FAM178B: variants seen among roughly 807,000 people sequenced by gnomAD.
The protein encoded by FAM178B is protein FAM178B.
A neutral mutation model predicts 91.7 loss-of-function variants in FAM178B; 82 were observed. The observed-to-expected ratio is 0.89, with a 90% CI of 0.75 to 1.07. The LOEUF (loss-of-function observed/expected upper bound fraction) is 1.07. FAM178B is among the 50% of genes least tolerant of loss of function. The probability of loss-of-function intolerance (pLI) is 0.00; values close to 1 mark genes in which losing one functional copy is unlikely to be tolerated. For missense variants in FAM178B, 769 were observed against 846.7 expected (o/e 0.91, Z 1.14); for synonymous variants, 368 against 359.4 (o/e 1.02, Z -0.27).
chr2:96,949,833 C>T (rs946918991), intron 7 of FAM178B, among the ~76,000 whole-genome samples: 5 of 152,196 alleles, frequency 3.3e-5, no homozygotes, highest in African/African-American at 9.7e-5. Flanking sequence ...TGTGGGGGCA[C>T]AAGGACAAGG....
intron 5 of FAM178B, 85 bp from the exon 6 acceptor site, chr2:96,960,525 G>T (rs1411106096): frequency 1.4e-5 from 20 of 1,409,752 alleles, no homozygotes; most frequent in Admixed American, 2.7e-5. Flanking sequence ...GAAGGATAGA[G>T]GGGGGCCACG....
intron 8 of FAM178B, among the ~76,000 whole-genome samples, chr2:96,932,942 A>C (rs1298315040): frequency 3.5e-5 from 3 of 85,836 alleles, no homozygotes; most frequent in African/African-American, 2.2e-4. Context: ...TCCGTCTCAC[A>C]AAAAAAAAAA....
chr2:96,885,187 G>C (rs1261319730), intron 14 of FAM178B, among the ~76,000 whole-genome samples: 3 of 152,286 alleles, frequency 2.0e-5, no homozygotes, highest in Non-Finnish European at 2.9e-5. Context: ...CAGCTGGACA[G>C]GCAGGACTTC....
At chr2:96,894,178 AC>A in intron 13 of FAM178B, 127 bp from the exon 14 acceptor site, 2 of 1,000,032 alleles carry the variant, frequency 2.0e-6, no homozygotes, top group Non-Finnish European at 2.9e-6. Context: ...TGAGACACAG[AC>A]CCACCTCTAC....
intron 6 of FAM178B, among the ~76,000 whole-genome samples, chr2:96,956,317 ATGCAC>A (rs2081999153): frequency 6.6e-6 from 1 of 152,184 alleles, no homozygotes; most frequent in Non-Finnish European, 1.5e-5. Context: ...TGACCCTGGG[ATGCAC>A]AGCTAGCTTG....
At chr2:96,905,569 A>G (rs932713041) in intron 12 of FAM178B, among the ~76,000 whole-genome samples, 1 of 149,780 alleles carries the variant, frequency 6.7e-6, no homozygotes, top group Non-Finnish European at 1.5e-5. Flanking sequence ...AAAAAAAAAA[A>G]GAAAAAGAAA....
intron 7 of FAM178B, among the ~76,000 whole-genome samples, chr2:96,949,805 A>T (rs2081894084): frequency 6.6e-6 from 1 of 152,242 alleles, no homozygotes; most frequent in Non-Finnish European, 1.5e-5. Flanking sequence ...GAGGACACCC[A>T]GGCCCAGAGC....
intron 6 of FAM178B, among the ~76,000 whole-genome samples, chr2:96,955,708 T>C (rs2081989983): frequency 6.6e-6 from 1 of 152,092 alleles, no homozygotes; most frequent in Non-Finnish European, 1.5e-5. Flanking sequence ...TAAGCGAGTG[T>C]TACCACAGGC....
chr2:96,882,145 G>A (rs1367885029), intron 14 of FAM178B, among the ~76,000 whole-genome samples: 1 of 152,220 alleles, frequency 6.6e-6, no homozygotes, highest in Non-Finnish European at 1.5e-5. Context: ...AAAGAGGTAA[G>A]AGAGAGTCTG....
chr2:96,876,402 C>T, intron 16 of FAM178B, 94 bp from the exon 17 acceptor site: 2 of 1,476,766 alleles, frequency 1.4e-6, no homozygotes, highest in Non-Finnish European at 1.8e-6. Context: ...CATTCAGCAC[C>T]CATCGCAGGC....
At chr2:96,877,623 C>T (rs1574168417) in intron 16 of FAM178B, 2 of 441,716 alleles carry the variant, frequency 4.5e-6, no homozygotes, top group East Asian at 4.0e-5. Context: ...GGCTGGTCTC[C>T]TGACCTTGTG....
At chr2:96,984,121 C>A (rs935311455) in intron 1 of FAM178B, among the ~76,000 whole-genome samples, 1 of 152,052 alleles carries the variant, frequency 6.6e-6, no homozygotes, top group Non-Finnish European at 1.5e-5. Context: ...AGGTAGGTGC[C>A]ACCACACCCA....
intron 7 of FAM178B, chr2:96,950,217 G>C (rs1319103872): frequency 1.0e-6 from 1 of 969,152 alleles, no homozygotes; most frequent in Non-Finnish European, 1.2e-6. Context: ...GCTCGATTGT[G>C]TGTTCCGTCA....
chr2:96,969,154 G>A (rs1288155372), intron 4 of FAM178B, among the ~76,000 whole-genome samples: 2 of 152,216 alleles, frequency 1.3e-5, no homozygotes, highest in African/African-American at 4.8e-5. Flanking sequence ...AGCAGGGGCT[G>A]CACCATCAGC....
At chr2:96,905,174 C>A (rs72942920) in intron 12 of FAM178B, among the ~76,000 whole-genome samples, 1 of 152,004 alleles carries the variant, frequency 6.6e-6, no homozygotes, top group Non-Finnish European at 1.5e-5. Flanking sequence ...GCTGGCTTCA[C>A]GTGCATTGGA....
At chr2:96,937,382 G>C (rs866190914) in intron 8 of FAM178B, among the ~76,000 whole-genome samples, 2 of 152,160 alleles carry the variant, frequency 1.3e-5, no homozygotes, top group South Asian at 2.1e-4. Context: ...CTGTGGCCCT[G>C]GCTCCGGAGC....
At chr2:96,876,400 A>G (rs890150629) in intron 16 of FAM178B, 92 bp from the exon 17 acceptor site, 2 of 1,493,822 alleles carry the variant, frequency 1.3e-6, no homozygotes, top group Non-Finnish European at 1.8e-6. Context: ...TCCATTCAGC[A>G]CCCATCGCAG....
chr2:96,921,806 C>T (rs1274697879), intron 10 of FAM178B, among the ~76,000 whole-genome samples, 152 bp from the exon 11 acceptor site: 2 of 152,104 alleles, frequency 1.3e-5, no homozygotes, highest in East Asian at 1.9e-4. Context: ...CAGTGAGGCC[C>T]CTGCAGGGTC....
intron 10 of FAM178B, 30 bp downstream of exon 10, chr2:96,923,460 G>A: frequency 6.7e-7 from 1 of 1,496,256 alleles, no homozygotes; most frequent in Non-Finnish European, 9.1e-7. Flanking sequence ...AGCCGAGAGT[G>A]CCCTGCATGA....
Sources: allele counts gnomAD v4.1 joint callset (sites outside exome capture counted in the v4.1 genomes callset), GRCh38; gene constraint gnomAD v4.1.1; transcripts MANE v1.5; gene names NCBI Gene and HGNC (gene_info 2026-07-23, HGNC 2026-07-21).